ZNF609: variants seen among roughly 807,000 people sequenced by gnomAD.
ZNF609 encodes the protein zinc finger protein 609.
ZNF609 carries 11 observed loss-of-function variants against 109.5 expected under a neutral mutation model. That is an observed-to-expected ratio of 0.10 (90% CI 0.06 to 0.17). The LOEUF (loss-of-function observed/expected upper bound fraction) is 0.17. Among genes scored for constraint, ZNF609 ranks in the 10% least tolerant of loss-of-function variants. The pLI is 1.00. For synonymous variants in ZNF609, 646 were observed against 662.0 expected, an observed-to-expected ratio of 0.98 and a Z score of 0.37; for missense variants, 1,559 against 1,772.4, an observed-to-expected ratio of 0.88 and a Z score of 2.16.
chr15:64,626,216 T>C (rs527654382), intron 3 of ZNF609, among the ~76,000 whole-genome samples: 1 of 152,094 alleles, frequency 6.6e-6, no homozygotes, highest in East Asian at 1.9e-4. Flanking sequence ...AGCAATAATA[T>C]ACTCATCTTT....
At chr15:64,542,166 A>T (rs1292470124) in intron 2 of ZNF609, among the ~76,000 whole-genome samples, 1 of 152,098 alleles carries the variant, frequency 6.6e-6, no homozygotes, top group African/African-American at 2.4e-5. Context: ...GAGAAAGTTG[A>T]ACCTAAAACC....
At chr15:64,541,657 A>G (rs1187035992) in intron 2 of ZNF609, among the ~76,000 whole-genome samples, 4 of 149,688 alleles carry the variant, frequency 2.7e-5, no homozygotes, top group East Asian at 2.0e-4. Flanking sequence ...TGGCTAACAC[A>G]GTGAAACCCC....
At chr15:64,612,146 T>C (rs1895725856) in intron 2 of ZNF609, among the ~76,000 whole-genome samples, 1 of 151,384 alleles carries the variant, frequency 6.6e-6, no homozygotes, top group Non-Finnish European at 1.5e-5. Flanking sequence ...TAATAGAATA[T>C]ATAGCTTCTT....
chr15:64,471,392 G>T (rs1313445946), intron 1 of ZNF609: 1 of 151,708 alleles, frequency 6.6e-6, no homozygotes, highest in Admixed American at 6.6e-5. Context: ...TTGGTCTGGA[G>T]TAGAAAAATT....
At chr15:64,473,814 C>T (rs955893257) in intron 1 of ZNF609, among the ~76,000 whole-genome samples, 3 of 151,990 alleles carry the variant, frequency 2.0e-5, no homozygotes, top group Non-Finnish European at 4.4e-5. Context: ...CTGTCGCCCA[C>T]ACCCCGTCTC....
intron 2 of ZNF609, chr15:64,503,133 G>A (rs996418610): frequency 1.3e-5 from 2 of 152,002 alleles, no homozygotes; most frequent in Non-Finnish European, 2.9e-5. Context: ...CTCAGGCTAT[G>A]GCCTGGGAAA....
intron 2 of ZNF609, chr15:64,592,853 C>A: frequency 1.8e-6 from 1 of 554,542 alleles, no homozygotes; most frequent in Non-Finnish European, 3.2e-6. Context: ...GCAAAAGTTG[C>A]AGTGAGCTGG....
intron 2 of ZNF609, among the ~76,000 whole-genome samples, chr15:64,556,289 C>G (rs1894585652): frequency 6.6e-6 from 1 of 151,954 alleles, no homozygotes. Flanking sequence ...AGCCACTACT[C>G]TTGGGTAATT....
At chr15:64,652,066 G>A (rs1197010253) in intron 3 of ZNF609, among the ~76,000 whole-genome samples, 1 of 152,080 alleles carries the variant, frequency 6.6e-6, no homozygotes, top group East Asian at 1.9e-4. Context: ...TAGAGACCAA[G>A]TCTCTCTCTG....
intron 2 of ZNF609, among the ~76,000 whole-genome samples, chr15:64,549,839 G>A (rs1595714975): frequency 6.6e-6 from 1 of 152,244 alleles, no homozygotes; most frequent in South Asian, 2.1e-4. Context: ...AGGTTGGAGA[G>A]CAGTGGTGCA....
intron 2 of ZNF609, among the ~76,000 whole-genome samples, chr15:64,549,466 G>A (rs191786620): frequency 6.6e-5 from 10 of 152,254 alleles, no homozygotes; most frequent in African/African-American, 1.2e-4. Context: ...ATGAGCCACC[G>A]TGCCAAGACT....
chr15:64,500,779 A>G (rs1318356758), intron 2 of ZNF609: 2 of 216,372 alleles, frequency 9.2e-6, no homozygotes, highest in Non-Finnish European at 1.8e-5. Flanking sequence ...TGGTTATGAC[A>G]GTTTGGCCTA....
chr15:64,610,604 C>T (rs529283018), intron 2 of ZNF609, among the ~76,000 whole-genome samples: 9 of 152,158 alleles, frequency 5.9e-5, no homozygotes, highest in East Asian at 3.9e-4. Context: ...GCAATGATTG[C>T]GCCACTGTAG....
chr15:64,654,701 C>A (rs928847243), intron 3 of ZNF609, among the ~76,000 whole-genome samples: 1 of 152,112 alleles, frequency 6.6e-6, no homozygotes, highest in Non-Finnish European at 1.5e-5. Context: ...CCCCTTACTA[C>A]AGATAGGAAG....
chr15:64,553,856 C>T (rs1800581413), intron 2 of ZNF609, among the ~76,000 whole-genome samples: 1 of 152,096 alleles, frequency 6.6e-6, no homozygotes, highest in African/African-American at 2.4e-5. Context: ...CCTCAGCCTC[C>T]CAAAGTGCTG....
chr15:64,609,076 CTTTCTTTCTTTCTTTCTT>C (rs1895664288), intron 2 of ZNF609, among the ~76,000 whole-genome samples: 1 of 33,628 alleles, frequency 3.0e-5, no homozygotes, highest in African/African-American at 8.2e-5. Context: ...TTCTTTCTTT[CTTTCTTTCTTTCTTTCTT>C]TCTTTCTTTC....
At chr15:64,512,143 G>A (rs1302357218) in intron 2 of ZNF609, among the ~76,000 whole-genome samples, 1 of 151,858 alleles carries the variant, frequency 6.6e-6, no homozygotes, top group African/African-American at 2.4e-5. Flanking sequence ...CAGGCATTTC[G>A]GAATTCAACT....
intron 9 of ZNF609, 121 bp downstream of exon 9, chr15:64,681,508 TGGCCAAGCCTCTTGTACAAGAG>T: frequency 1.3e-6 from 1 of 792,244 alleles, no homozygotes; most frequent in South Asian, 1.6e-5. Context: ...CATGGAACCC[TGGCCAAGCCTCTTGTACAAGAG>T]TCTCCCGTGA....
At chr15:64,650,106 C>A (rs1896392222) in intron 3 of ZNF609, among the ~76,000 whole-genome samples, 1 of 144,706 alleles carries the variant, frequency 6.9e-6, no homozygotes. Flanking sequence ...ATGGTGAGAA[C>A]CCATCTCAAA....
Sources: gnomAD v4.1 joint callset for allele counts (sites outside exome capture counted in the v4.1 genomes callset) on GRCh38, gnomAD v4.1.1 for gene constraint, MANE v1.5 for transcripts, NCBI Gene and HGNC (gene_info 2026-07-23, HGNC 2026-07-21) for gene names.